TMEM163: variants seen among roughly 807,000 people sequenced by gnomAD.
TMEM163 encodes transmembrane protein 163.
TMEM163 carries 17 observed loss-of-function variants against 29.3 expected under a neutral mutation model. The ratio of observed to expected loss-of-function variants is 0.58; its 90% CI spans 0.40 to 0.87. TMEM163 has a LOEUF of 0.87. Ranked by LOEUF, TMEM163 falls within the 40% of genes least tolerant of loss-of-function variation. TMEM163 has a pLI of 0.00. For missense variants in TMEM163, 303 were observed against 381.5 expected (o/e 0.79, Z 1.71); for synonymous variants, 157 against 160.6 (o/e 0.98, Z 0.17).
At chr2:134,666,030 C>CT (rs1683865076) in intron 2 of TMEM163, among the ~76,000 whole-genome samples, 1 of 152,202 alleles carries the variant, frequency 6.6e-6, no homozygotes, top group African/African-American at 2.4e-5. Flanking sequence ...GCAGCTCCCT[C>CT]TGAGATCTGA....
intron 2 of TMEM163, among the ~76,000 whole-genome samples, chr2:134,698,581 G>A (rs1442282824): frequency 6.6e-6 from 1 of 151,154 alleles, no homozygotes; most frequent in Non-Finnish European, 1.5e-5. Context: ...TCAAAGTTTT[G>A]TTTCCTTTCT....
intron 2 of TMEM163, among the ~76,000 whole-genome samples, chr2:134,648,535 C>A (rs1343997025): frequency 2.6e-5 from 4 of 152,106 alleles, no homozygotes. Context: ...AATTTCCCTA[C>A]CTCCTGTCCC....
chr2:134,648,391 G>A (rs1415210654), intron 2 of TMEM163, among the ~76,000 whole-genome samples: 5 of 149,006 alleles, frequency 3.4e-5, no homozygotes, highest in African/African-American at 7.5e-5. Context: ...GGATGGGGCT[G>A]TGGGGCAGGC....
At chr2:134,512,362 G>A (rs1679969359) in intron 4 of TMEM163, among the ~76,000 whole-genome samples, 1 of 152,182 alleles carries the variant, frequency 6.6e-6, no homozygotes, top group Non-Finnish European at 1.5e-5. Flanking sequence ...AGGAAGCTGA[G>A]GCAGGAGAAT....
chr2:134,664,324 C>T (rs1434632303), intron 2 of TMEM163, among the ~76,000 whole-genome samples: 1 of 152,138 alleles, frequency 6.6e-6, no homozygotes, highest in Non-Finnish European at 1.5e-5. Context: ...TCAGAATCGC[C>T]CGGAGGACTG....
chr2:134,543,986 A>G (rs530758294), intron 4 of TMEM163, among the ~76,000 whole-genome samples: 1 of 152,324 alleles, frequency 6.6e-6, no homozygotes, highest in South Asian at 2.1e-4. Context: ...AAGGCTGTCC[A>G]GGTGAACAAC....
intron 2 of TMEM163, among the ~76,000 whole-genome samples, chr2:134,661,435 C>G (rs1260588686): frequency 1.3e-5 from 2 of 152,190 alleles, no homozygotes; most frequent in African/African-American, 4.8e-5. Flanking sequence ...TATCGATGGG[C>G]AAATGAAAGG....
rs1345176873 is a variant in TMEM163 at position 134,655,186 on chromosome 2, A to G, written c.322+58014T>C. 2.1e-5 allele frequency among the ~76,000 whole-genome samples: 3 copies of G among 140,814 alleles called. No homozygotes were observed. In the East Asian group the frequency reaches 5.9e-4, roughly 28 times the overall value. 92.4% of individuals were successfully genotyped at this position (140,814 alleles called of 152,430 possible). A position where few individuals can be genotyped will look rare whatever the true frequency, so the allele number is the denominator to read the frequency against. On this transcript the variant is annotated intron_variant, in intron 2 of 7. Transcript: ENST00000281924. ...TCTCACCATCACTTTCAGGTACACCAATCAGACGTAGATTTGGTCTTTTCA... is the reference window on the plus strand; with the variant it reads ...TCTCACCATCACTTTCAGGTACACCGATCAGACGTAGATTTGGTCTTTTCA...
In TMEM163 at chr2:134,678,360, G is replaced by A. The variant is rs141314176; in HGVS notation, c.322+34840C>T. Among the ~76,000 whole-genome samples the A allele has an allele frequency of 4.7e-3, 718 of 152,332 alleles. 8 individuals carry two copies. The highest frequency in any genetic ancestry group is 0.016 in the African/African-American group (685 of 41,568). ...GCAGTACGCCCTGTCTCATTCTCAA[G>A]CCCGTGGAAACACGTGAATCTGTTA... On this transcript the variant is annotated intron_variant, in intron 2 of 7. Coordinates refer to ENST00000281924, the MANE Select transcript of TMEM163 (RefSeq NM_030923.5).
rs572949676 is a variant in TMEM163 at position 134,595,601 on chromosome 2, C to T, written c.323-43510G>A. On this transcript the variant is annotated intron_variant, in intron 2 of 7. Coordinates refer to ENST00000281924, the MANE Select transcript of TMEM163 (RefSeq NM_030923.5). ...ATGTGTGCGTGTGTCTTTATAGCAG[C>T]ATGATTTATAACGCTTTAGGTATAT... is the stretch of plus-strand genomic sequence containing the variant. Among the ~76,000 whole-genome samples the T allele has an allele frequency of 2.6e-5, 4 of 152,286 alleles. No homozygotes were observed. The South Asian group carries it at 8.3e-4, about 32-fold the overall frequency.
intron 2 of TMEM163, among the ~76,000 whole-genome samples, chr2:134,677,040 C>CGA (rs1398326818): frequency 1.3e-5 from 2 of 151,990 alleles, no homozygotes; most frequent in Non-Finnish European, 2.9e-5. Context: ...GCAGCCCACC[C>CGA]GAGAGAGAGA....
At chr2:134,568,619 A>C (rs557982364) in intron 2 of TMEM163, among the ~76,000 whole-genome samples, 7 of 151,680 alleles carry the variant, frequency 4.6e-5, no homozygotes, top group Non-Finnish European at 7.4e-5. Flanking sequence ...AAGGAAAAGA[A>C]AGAAAAAAGA....
chr2:134,677,451 G>A (rs1574332202), intron 2 of TMEM163, among the ~76,000 whole-genome samples: 1 of 126,822 alleles, frequency 7.9e-6, no homozygotes, highest in Admixed American at 7.8e-5. Flanking sequence ...AGAAACTACT[G>A]GCTTTCAATA....
At chr2:134,704,375 G>T (rs1286125087) in intron 2 of TMEM163, among the ~76,000 whole-genome samples, 1 of 152,216 alleles carries the variant, frequency 6.6e-6, no homozygotes, top group Admixed American at 6.5e-5. Context: ...ACTGAAGGAC[G>T]CTGCCTCCCC....
At chr2:134,484,107 C>T (rs982932841) in intron 5 of TMEM163, among the ~76,000 whole-genome samples, 2 of 152,122 alleles carry the variant, frequency 1.3e-5, no homozygotes, top group African/African-American at 2.4e-5. Context: ...AGCCACTGCA[C>T]TCCAGCCTGG....
chr2:134,615,163 T>G (rs1682582641), intron 2 of TMEM163, among the ~76,000 whole-genome samples: 1 of 152,160 alleles, frequency 6.6e-6, no homozygotes, highest in Admixed American at 6.5e-5. Flanking sequence ...TGCACCAAAA[T>G]GTACTAACTT....
At chr2:134,559,907 C>T (rs1229459021) in intron 2 of TMEM163, among the ~76,000 whole-genome samples, 2 of 152,154 alleles carry the variant, frequency 1.3e-5, no homozygotes, top group African/African-American at 2.4e-5. Flanking sequence ...GGTACTTGTA[C>T]ACATTGGCCT....
At chr2:134,543,697 G>A (rs1229014005) in intron 4 of TMEM163, among the ~76,000 whole-genome samples, 1 of 152,182 alleles carries the variant, frequency 6.6e-6, no homozygotes, top group South Asian at 2.1e-4. Context: ...TCATCAAAAG[G>A]CTATCAAGCT....
At chr2:134,621,596 T>A (rs1477587070) in intron 2 of TMEM163, among the ~76,000 whole-genome samples, 2 of 151,970 alleles carry the variant, frequency 1.3e-5, no homozygotes, top group African/African-American at 4.8e-5. Flanking sequence ...ACTAAATAAA[T>A]AAACCCAATG....
Sources: gnomAD v4.1 joint callset for allele counts (sites outside exome capture counted in the v4.1 genomes callset) on GRCh38, gnomAD v4.1.1 for gene constraint, MANE v1.5 for transcripts, NCBI Gene and HGNC (gene_info 2026-07-23, HGNC 2026-07-21) for gene names.